The following ZEB1 variants were observed in gnomAD, a reference collection of about 807,000 sequenced individuals.
The protein encoded by ZEB1 is zinc finger E-box-binding homeobox 1.
ZEB1 carries 21 observed loss-of-function variants against 84.9 expected under a neutral mutation model. The observed-to-expected ratio is 0.25, with a 90% CI of 0.18 to 0.36. The LOEUF (loss-of-function observed/expected upper bound fraction) is 0.36, where lower values mean the gene tolerates loss of function less well. Ranked by LOEUF, ZEB1 falls within the 10% of genes least tolerant of loss-of-function variation. The probability of loss-of-function intolerance (pLI) is 1.00; values close to 1 mark genes in which losing one functional copy is unlikely to be tolerated. For missense variants in ZEB1, 1,104 were observed against 1,330.2 expected, an observed-to-expected ratio of 0.83 and a Z score of 2.65; for synonymous variants, 420 against 471.1, an observed-to-expected ratio of 0.89 and a Z score of 1.41.
chr10:31,519,682 C>T (rs1401293214), intron 6 of ZEB1, among the ~76,000 whole-genome samples: 1 of 152,124 alleles, frequency 6.6e-6, no homozygotes, highest in Non-Finnish European at 1.5e-5. Flanking sequence ...GATATTCATA[C>T]TTGTTAAGTC....
At chr10:31,495,161 G>A (rs147143483) in intron 2 of ZEB1, among the ~76,000 whole-genome samples, 372 of 152,070 alleles carry the variant, frequency 2.4e-3, no homozygotes, top group Non-Finnish European at 3.9e-3. Context: ...CTTTGGGCAA[G>A]TTATTTAACT....
chr10:31,467,265 G>C (rs963120251), intron 2 of ZEB1, among the ~76,000 whole-genome samples: 2 of 152,140 alleles, frequency 1.3e-5, no homozygotes, highest in Non-Finnish European at 2.9e-5. Flanking sequence ...GGCACTACTT[G>C]AAGCCACAAG....
chr10:31,443,278 G>C (rs1355475452), intron 1 of ZEB1, among the ~76,000 whole-genome samples: 1 of 151,942 alleles, frequency 6.6e-6, no homozygotes, highest in Non-Finnish European at 1.5e-5. Flanking sequence ...AGTCATATGT[G>C]TTGCACATAT....
chr10:31,477,031 A>G (rs530525920), intron 2 of ZEB1, among the ~76,000 whole-genome samples: 2 of 152,212 alleles, frequency 1.3e-5, no homozygotes, highest in South Asian at 2.1e-4. Context: ...CACCACTTCT[A>G]TTCAACATAG....
chr10:31,336,799 A>G (rs1317059848), intron 1 of ZEB1, among the ~76,000 whole-genome samples: 1 of 152,188 alleles, frequency 6.6e-6, no homozygotes, highest in Non-Finnish European at 1.5e-5. Context: ...TGTCTCCTAG[A>G]TTCTCAAAAC....
At chr10:31,334,005 T>C (rs2037409756) in intron 1 of ZEB1, among the ~76,000 whole-genome samples, 1 of 152,016 alleles carries the variant, frequency 6.6e-6, no homozygotes, top group South Asian at 2.1e-4. Flanking sequence ...TTTAAATAAG[T>C]GACTACCTGA....
chr10:31,327,976 T>A (rs1040327684), intron 1 of ZEB1, among the ~76,000 whole-genome samples: 1 of 152,188 alleles, frequency 6.6e-6, no homozygotes, highest in Non-Finnish European at 1.5e-5. Flanking sequence ...ATTCATACCC[T>A]TTACCCCTCT....
At chr10:31,450,626 A>G (rs1054951486) in intron 1 of ZEB1, among the ~76,000 whole-genome samples, 1 of 152,130 alleles carries the variant, frequency 6.6e-6, no homozygotes, top group Non-Finnish European at 1.5e-5. Context: ...AAGCATCTTT[A>G]TCTTACAAAT....
At chr10:31,357,966 C>G (rs1652360398) in intron 1 of ZEB1, among the ~76,000 whole-genome samples, 1 of 152,112 alleles carries the variant, frequency 6.6e-6, no homozygotes, top group Non-Finnish European at 1.5e-5. Context: ...ATAAACTTCT[C>G]TTGGCGTTCT....
At chr10:31,430,739 TG>T (rs2136243241) in intron 1 of ZEB1, among the ~76,000 whole-genome samples, 1 of 152,306 alleles carries the variant, frequency 6.6e-6, no homozygotes, top group Admixed American at 6.5e-5. Flanking sequence ...AATCAGTCTA[TG>T]GAAATATATT....
intron 1 of ZEB1, among the ~76,000 whole-genome samples, chr10:31,357,211 G>T (rs950922778): frequency 4.6e-5 from 7 of 152,236 alleles, no homozygotes; most frequent in Admixed American, 3.9e-4. Flanking sequence ...AGTTCAAAAA[G>T]AAATTCACTG....
chr10:31,514,506 C>G, intron 5 of ZEB1, 97 bp from the exon 6 acceptor site: 1 of 1,070,840 alleles, frequency 9.3e-7, no homozygotes, highest in South Asian at 1.4e-5. Flanking sequence ...ACAAAACAAC[C>G]ATCAGGCTCA....
At chr10:31,410,945 C>T (rs2054124823) in intron 1 of ZEB1, among the ~76,000 whole-genome samples, 1 of 152,142 alleles carries the variant, frequency 6.6e-6, no homozygotes, top group Non-Finnish European at 1.5e-5. Context: ...AAAAAACCAG[C>T]TTCTGGATTC....
At chr10:31,362,949 C>T in intron 1 of ZEB1, 2 of 1,533,808 alleles carry the variant, frequency 1.3e-6, no homozygotes, top group Non-Finnish European at 1.7e-6. Context: ...TTTGGGAAGC[C>T]TGACCCACCA....
At chr10:31,391,766 AC>A (rs2049779954) in intron 1 of ZEB1, among the ~76,000 whole-genome samples, 1 of 152,148 alleles carries the variant, frequency 6.6e-6, no homozygotes, top group African/African-American at 2.4e-5. Context: ...ATAATCTAGT[AC>A]CCTTTTTACC....
chr10:31,493,009 G>A (rs1380766991), intron 2 of ZEB1, among the ~76,000 whole-genome samples: 2 of 151,690 alleles, frequency 1.3e-5, no homozygotes, highest in Non-Finnish European at 2.9e-5. Context: ...TCCTCCAATG[G>A]TAACATAATA....
In ZEB1 at chr10:31,373,826, C is replaced by T. The variant is rs372615945; in HGVS notation, c.58+54534C>T. Among the ~76,000 whole-genome samples, 15 of 151,882 alleles carry T rather than the reference C, an allele frequency of 9.9e-5. 1 individual carries two copies. The highest frequency in any genetic ancestry group is 6.6e-4 in the Admixed American group (10 of 15,236). ...ATCAAATTTTGGTGATAAAATCAGA[C>T]ATCTCTCTCCTGCCTTACACATACT... On this transcript the variant is annotated intron_variant, in intron 1 of 8. Coordinates refer to ENST00000424869, the MANE Select transcript of ZEB1 (RefSeq NM_001174096.2).
In ZEB1 at chr10:31,327,596, A is replaced by G. The variant is rs140351483; in HGVS notation, c.58+8304A>G. 1.9e-3 allele frequency among the ~76,000 whole-genome samples: 282 copies of G among 152,282 alleles called. 1 individual carries two copies. The highest frequency in any genetic ancestry group is 2.0e-3 in the Non-Finnish European group (135 of 68,020). ...TTAGATACCAATAATTCTGTAATAA[A>G]CATCCTCCTACGTGTTGCTAATGGC... On this transcript the variant is annotated intron_variant, in intron 1 of 8. Transcript: ENST00000424869.
intron 1 of ZEB1, among the ~76,000 whole-genome samples, chr10:31,334,881 T>C (rs1369125450): frequency 6.6e-6 from 1 of 152,098 alleles, no homozygotes; most frequent in Non-Finnish European, 1.5e-5. Context: ...AGGAAAAATA[T>C]TCTTACAAAG....
Sources: gnomAD v4.1 joint callset for allele counts (sites outside exome capture counted in the v4.1 genomes callset) on GRCh38, gnomAD v4.1.1 for gene constraint, MANE v1.5 for transcripts, NCBI Gene and HGNC (gene_info 2026-07-23, HGNC 2026-07-21) for gene names.